Variants in XYLT1 observed in about 807,000 individuals in gnomAD.
XYLT1 encodes beta-D-xylosyltransferase 1.
In XYLT1, 36 loss-of-function variants were observed where a neutral mutation model predicts 91.3. The observed-to-expected ratio is 0.39, with a 90% CI of 0.30 to 0.52. The LOEUF (loss-of-function observed/expected upper bound fraction) is 0.52, where lower values mean the gene tolerates loss of function less well. Ranked by LOEUF, XYLT1 falls within the 20% of genes least tolerant of loss-of-function variation. The probability of loss-of-function intolerance (pLI) is 0.68; values close to 1 mark genes in which losing one functional copy is unlikely to be tolerated. For missense variants in XYLT1, 1,242 were observed against 1,284.5 expected (o/e 0.97, Z 0.51); for synonymous variants, 588 against 532.0 (o/e 1.11, Z -1.45).
intron 3 of XYLT1, among the ~76,000 whole-genome samples, chr16:17,239,150 C>T (rs1380946289): frequency 6.6e-6 from 1 of 152,212 alleles, no homozygotes; most frequent in African/African-American, 2.4e-5. Flanking sequence ...TAGACTACCC[C>T]AAAGGCATGC....
chr16:17,399,265 C>T (rs1567188899), intron 1 of XYLT1, among the ~76,000 whole-genome samples: 1 of 152,078 alleles, frequency 6.6e-6, no homozygotes, highest in Non-Finnish European at 1.5e-5. Flanking sequence ...ATGCTCAAGG[C>T]CATCCTCGAG....
intron 1 of XYLT1, among the ~76,000 whole-genome samples, chr16:17,453,126 T>G (rs549089050): frequency 6.6e-6 from 1 of 152,214 alleles, no homozygotes; most frequent in Non-Finnish European, 1.5e-5. Context: ...CTGAGTCACA[T>G]AGAAAGGATT....
chr16:17,136,305 C>T (rs1267539906), intron 8 of XYLT1, among the ~76,000 whole-genome samples: 1 of 152,138 alleles, frequency 6.6e-6, no homozygotes, highest in East Asian at 1.9e-4. Context: ...TCTACTGTAT[C>T]ACTCCAGGAC....
intron 5 of XYLT1, among the ~76,000 whole-genome samples, chr16:17,184,808 C>G (rs2032148385): frequency 6.6e-6 from 1 of 152,218 alleles, no homozygotes; most frequent in African/African-American, 2.4e-5. Flanking sequence ...AAGGGATACA[C>G]AACTCAAGAG....
At chr16:17,129,910 G>A (rs1255576860) in intron 9 of XYLT1, among the ~76,000 whole-genome samples, 4 of 152,110 alleles carry the variant, frequency 2.6e-5, no homozygotes, top group South Asian at 4.1e-4. Flanking sequence ...CCTTGTACCC[G>A]GGAGGCAGAA....
At chr16:17,183,587 A>C (rs1223923421) in intron 5 of XYLT1, among the ~76,000 whole-genome samples, 3 of 152,226 alleles carry the variant, frequency 2.0e-5, no homozygotes, top group Non-Finnish European at 2.9e-5. Flanking sequence ...ACTGCGATGC[A>C]GTAACACTAT....
chr16:17,452,203 T>A (rs927228798), intron 1 of XYLT1, among the ~76,000 whole-genome samples: 3 of 152,210 alleles, frequency 2.0e-5, no homozygotes, highest in Admixed American at 2.0e-4. Context: ...AAGGATCTCA[T>A]GAATTAATAC....
At chr16:17,114,980 G>A (rs1324131603) in intron 11 of XYLT1, among the ~76,000 whole-genome samples, 4 of 152,092 alleles carry the variant, frequency 2.6e-5, no homozygotes, top group Non-Finnish European at 5.9e-5. Context: ...GAGTAGCTGG[G>A]ACTACAGGCA....
chr16:17,120,933 A>C (rs999833756), intron 10 of XYLT1, among the ~76,000 whole-genome samples: 1 of 152,194 alleles, frequency 6.6e-6, no homozygotes, highest in African/African-American at 2.4e-5. Context: ...CTGTCACATT[A>C]ATCTGTCAAC....
At chr16:17,157,514 A>AT (rs1310169910) in intron 6 of XYLT1, among the ~76,000 whole-genome samples, 1 of 152,184 alleles carries the variant, frequency 6.6e-6, no homozygotes, top group African/African-American at 2.4e-5. Flanking sequence ...GGACCTTCAG[A>AT]TTTTTTAAGA....
chr16:17,324,579 T>G (rs905274030), intron 2 of XYLT1, among the ~76,000 whole-genome samples: 2 of 152,262 alleles, frequency 1.3e-5, no homozygotes, highest in African/African-American at 2.4e-5. Flanking sequence ...TGCTGAAAGC[T>G]TGTCCTTCGT....
chr16:17,385,662 A>G (rs2035740295), intron 1 of XYLT1, among the ~76,000 whole-genome samples: 1 of 151,878 alleles, frequency 6.6e-6, no homozygotes, highest in South Asian at 2.1e-4. Flanking sequence ...TCTTGTAGTG[A>G]AATAGATCTC....
chr16:17,376,008 C>T lies in XYLT1; in HGVS notation c.364-17958G>A, dbSNP rs1482053900. The stretch of plus-strand genomic sequence containing the variant: ...GTGTTTGCTTGCGTCAGAGCCTGTA[C>T]TGTTAATAAACCCTGACCTGTGTAT... On this transcript the variant is annotated intron_variant, in intron 1 of 11. Transcript: ENST00000261381. Among the ~76,000 whole-genome samples the T allele has an allele frequency of 2.6e-5, 4 of 152,264 alleles. No individual in the cohort carries two copies. The South Asian group carries it at 8.3e-4, about 31-fold the overall frequency.
At chr16:17,127,138 C>T (rs1228140291) in intron 10 of XYLT1, among the ~76,000 whole-genome samples, 1 of 152,126 alleles carries the variant, frequency 6.6e-6, no homozygotes, top group Non-Finnish European at 1.5e-5. Context: ...TCTGTCCATC[C>T]ATCCTTCCTT....
rs1179454066 is a variant in XYLT1, at chr16:17,103,335, G to C, written c.*5360C>G. ...TATGCTCTGAGAGAGTGCTTCAGGAGTTGGCTGAGCTTTAGATGAGCACCC... is the reference window on the plus strand; with the variant it reads ...TATGCTCTGAGAGAGTGCTTCAGGACTTGGCTGAGCTTTAGATGAGCACCC... On this transcript the variant is annotated 3_prime_UTR_variant, in exon 12 of 12. Transcript: ENST00000261381. The C allele has an allele frequency of 6.6e-6, 1 of 152,662 alleles. No homozygotes were observed. Among genetic ancestry groups the C allele is most frequent in the East Asian group, 1.9e-4 (1 of 5,200 alleles). 9.5% of individuals were successfully genotyped at this position (152,662 alleles called of 1,614,324 possible).
At chr16:17,277,266 G>A (rs1015462199) in intron 2 of XYLT1, among the ~76,000 whole-genome samples, 1 of 151,970 alleles carries the variant, frequency 6.6e-6, no homozygotes, top group Non-Finnish European at 1.5e-5. Flanking sequence ...TTGCATGTGT[G>A]TATTGTGTGA....
chr16:17,402,915 T>C (rs1271224011), intron 1 of XYLT1, among the ~76,000 whole-genome samples: 1 of 152,074 alleles, frequency 6.6e-6, no homozygotes, highest in African/African-American at 2.4e-5. Flanking sequence ...ATTTTAAAAA[T>C]TTTTTGTAGA....
intron 3 of XYLT1, 64 bp from the exon 4 acceptor site, chr16:17,200,718 G>C: frequency 6.4e-7 from 1 of 1,572,284 alleles, no homozygotes; most frequent in Non-Finnish European, 8.7e-7. Flanking sequence ...GCAGGGGTGG[G>C]AAGTTTCTCT....
At chr16:17,424,697 G>A (rs1337342958) in intron 1 of XYLT1, among the ~76,000 whole-genome samples, 2 of 151,876 alleles carry the variant, frequency 1.3e-5, no homozygotes, top group East Asian at 1.9e-4. Context: ...GTGAAACCCC[G>A]TCTTTACTAA....
Sources: allele counts gnomAD v4.1 joint callset (sites outside exome capture counted in the v4.1 genomes callset), GRCh38; gene constraint gnomAD v4.1.1; transcripts MANE v1.5; gene names NCBI Gene and HGNC (gene_info 2026-07-23, HGNC 2026-07-21).